RNF175: variants seen among roughly 807,000 people sequenced by gnomAD.
The protein encoded by RNF175 is ring finger protein 175.
Under a neutral mutation model 50.0 loss-of-function variants are expected in RNF175, and 38 were observed. The observed-to-expected ratio is 0.76, with a 90% CI of 0.59 to 1.00. The LOEUF is 1.00. Among genes scored for constraint, RNF175 ranks in the 50% least tolerant of loss-of-function variants. The pLI is 0.00. For missense variants in RNF175, 388 were observed against 409.6 expected, an observed-to-expected ratio of 0.95 and a Z score of 0.46; for synonymous variants, 155 against 146.1, an observed-to-expected ratio of 1.06 and a Z score of -0.44.
intron 1 of RNF175, among the ~76,000 whole-genome samples, chr4:153,753,262 C>T (rs1251376041): frequency 1.3e-5 from 2 of 152,194 alleles, no homozygotes; most frequent in Non-Finnish European, 2.9e-5. Flanking sequence ...GGGATGCAAC[C>T]GGGGTTAGTA....
chr4:153,748,806 G>A lies in RNF175; in HGVS notation c.105-20C>T. 6.2e-7 allele frequency: 1 copy of A among 1,603,762 alleles called. No individual in the cohort carries two copies. Among genetic ancestry groups the A allele is most frequent in the Non-Finnish European group, 8.5e-7 (1 of 1,174,646 alleles). ...TGCAGGCTGGAACCAGCAAAATGAG[G>A]TCATCTGAAAAAGCCCTCAACCTTG... is the stretch of plus-strand genomic sequence containing the variant. On this transcript the variant is annotated intron_variant, in intron 2 of 8. Transcript: ENST00000347063.
intron 4 of RNF175, among the ~76,000 whole-genome samples, chr4:153,725,669 T>A (rs1579054735): frequency 6.6e-6 from 1 of 152,226 alleles, no homozygotes; most frequent in Non-Finnish European, 1.5e-5. Context: ...TTACTGCCCA[T>A]GGGACTTTGG....
chr4:153,742,713 A>AT (rs1156495291), intron 3 of RNF175, among the ~76,000 whole-genome samples: 1 of 152,084 alleles, frequency 6.6e-6, no homozygotes, highest in Non-Finnish European at 1.5e-5. Context: ...CACAAAGGGG[A>AT]TAAAAAATAA....
At chr4:153,733,358 A>G (rs1373353742) in intron 3 of RNF175, among the ~76,000 whole-genome samples, 2 of 152,212 alleles carry the variant, frequency 1.3e-5, no homozygotes, top group Non-Finnish European at 2.9e-5. Context: ...CTATAAGTGC[A>G]CTTCCTACTT....
chr4:153,759,112 C>G (rs527855129), intron 1 of RNF175, among the ~76,000 whole-genome samples: 20 of 152,258 alleles, frequency 1.3e-4, no homozygotes, highest in Admixed American at 6.5e-4. Flanking sequence ...TCCTCCACCC[C>G]CAAATCCTCC....
chr4:153,714,473 G>A (rs534052195), intron 7 of RNF175: 1 of 152,312 alleles, frequency 6.6e-6, no homozygotes, highest in South Asian at 2.1e-4. Flanking sequence ...ACTGGACACC[G>A]AGGTATGACT....
intron 3 of RNF175, among the ~76,000 whole-genome samples, chr4:153,738,279 G>C (rs1739454120): frequency 6.6e-6 from 1 of 152,018 alleles, no homozygotes; most frequent in East Asian, 1.9e-4. Context: ...TGAACTCCTA[G>C]GCTCAAGCGA....
rs760126413 is a variant in RNF175 at position 153,720,183 on chromosome 4, C to A, written c.630+1G>T. On this transcript the variant is annotated splice_donor_variant, in intron 6 of 8. Transcript: ENST00000347063. LOFTEE classifies it high-confidence loss of function. ...TTTCAGAAAATGAAAGCAACACTTACCCCTATAGTGGAAGCCATGTAGTCT... is the reference window on the plus strand; with the variant it reads ...TTTCAGAAAATGAAAGCAACACTTAACCCTATAGTGGAAGCCATGTAGTCT... 2 of 1,613,670 alleles carry A rather than the reference C, an allele frequency of 1.2e-6. No homozygotes were observed. Among genetic ancestry groups the A allele is most frequent in the Non-Finnish European group, 1.7e-6 (2 of 1,179,674 alleles).
intron 1 of RNF175, among the ~76,000 whole-genome samples, chr4:153,754,293 C>A (rs951519515): frequency 6.6e-6 from 1 of 152,066 alleles, no homozygotes; most frequent in Admixed American, 6.6e-5. Flanking sequence ...AAAAGAATAG[C>A]CTGTGCTCTG....
chr4:153,737,083 A>T (rs2263436), intron 3 of RNF175, among the ~76,000 whole-genome samples: 26,889 of 152,114 alleles, frequency 0.18, 3,094 homozygotes, highest in Non-Finnish European at 0.25. Flanking sequence ...GGTCTTGAAC[A>T]CTTGGCCTCA....
rs1437717270 is a variant in RNF175, at chr4:153,723,447, T to C, written c.413A>G (p.Lys138Arg). The change falls in exon 5 of 9, where the codon AAA (lysine) becomes AGA (arginine). Residue 138 changes from lysine to arginine, a missense_variant. Lys to Arg is a conservative substitution (Grantham distance 26). Transcript: ENST00000347063. ...LSGRTPRLVY[K>R]WFLLIYKLSY... ...GAGTTTGTAGATCAAAAGAAACCAT[T>C]TGTAGACCAATCTGTGGAGTGAAAA... 6.4e-7 allele frequency: 1 copy of C among 1,568,742 alleles called. No individual in the cohort carries two copies. Among genetic ancestry groups the C allele is most frequent in the Admixed American group, 1.7e-5 (1 of 59,556 alleles).
chr4:153,714,311 T>C (rs1737772387), intron 7 of RNF175: 2 of 152,308 alleles, frequency 1.3e-5, no homozygotes, highest in Middle Eastern at 3.4e-3. Context: ...GAAATCCATA[T>C]GGGGTATCTT....
At chr4:153,733,317 C>T (rs1330160315) in intron 3 of RNF175, among the ~76,000 whole-genome samples, 2 of 152,086 alleles carry the variant, frequency 1.3e-5, no homozygotes, top group African/African-American at 4.8e-5. Flanking sequence ...AATAATAATA[C>T]ATGCAGTATA....
rs1186936008 is a variant in RNF175, at chr4:153,710,170, G to A, written c.*199C>T. The A allele has an allele frequency of 2.1e-6, 1 of 466,952 alleles. No individual in the cohort carries two copies. The highest frequency in any genetic ancestry group is 3.5e-5 in the East Asian group (1 of 28,648). 28.9% of individuals were successfully genotyped at this position (466,952 alleles called of 1,614,324 possible). On this transcript the variant is annotated 3_prime_UTR_variant, in exon 9 of 9. Coordinates refer to ENST00000347063, the MANE Select transcript of RNF175 (RefSeq NM_173662.4). ...GTTAAGAAACAGCTGTAATGGGAAA[G>A]ATGAAAAAACATGCTTTATTTGTTT...
intron 1 of RNF175, 55 bp from the exon 2 acceptor site, chr4:153,751,530 T>C: frequency 7.6e-7 from 1 of 1,307,662 alleles, no homozygotes; most frequent in East Asian, 2.5e-5. Flanking sequence ...TCTTGGTTTT[T>C]CTGTGAAAGC....
chr4:153,715,303 GT>G, intron 7 of RNF175: 1 of 591,270 alleles, frequency 1.7e-6, no homozygotes, highest in Non-Finnish European at 3.1e-6. Flanking sequence ...GGCATTAACA[GT>G]CCTCTTTAGA....
chr4:153,722,070 G>T (rs2606322), intron 5 of RNF175, among the ~76,000 whole-genome samples: 131,212 of 152,170 alleles, frequency 0.86, 57,718 homozygotes, highest in Non-Finnish European at 0.95. Flanking sequence ...GGGTTGATGA[G>T]CTCTCCTTTT....
rs1334221305 is a variant in RNF175, at chr4:153,726,738, C to G, written c.401+1469G>C. Reference sequence around the variant, plus strand: ...GCCTATTGCCTCTTATGTACAGGAGCTCCATCCTGACTGCTCTTCTAGAAG... The same window carrying G: ...GCCTATTGCCTCTTATGTACAGGAGGTCCATCCTGACTGCTCTTCTAGAAG... On this transcript the variant is annotated intron_variant, in intron 4 of 8. Coordinates refer to ENST00000347063, the MANE Select transcript of RNF175 (RefSeq NM_173662.4). Among the ~76,000 whole-genome samples the G allele has an allele frequency of 3.3e-5, 5 of 152,216 alleles. No individual in the cohort carries two copies. The East Asian group carries it at 9.6e-4, about 29-fold the overall frequency.
intron 2 of RNF175, 136 bp downstream of exon 2, chr4:153,751,302 T>C (rs1740278484): frequency 1.5e-6 from 1 of 673,128 alleles, no homozygotes; most frequent in Admixed American, 2.9e-5. Flanking sequence ...TGGTCTGTAG[T>C]ATTTGTGTAT....
Sources: allele counts gnomAD v4.1 joint callset (sites outside exome capture counted in the v4.1 genomes callset), GRCh38; gene constraint gnomAD v4.1.1; transcripts MANE v1.5; gene names NCBI Gene and HGNC (gene_info 2026-07-23, HGNC 2026-07-21).